VAV2: variants seen among roughly 807,000 people sequenced by gnomAD.
VAV2 encodes guanine nucleotide exchange factor VAV2.
In VAV2, 67 loss-of-function variants were observed where a neutral mutation model predicts 132.5. The ratio of observed to expected loss-of-function variants is 0.51; its 90% confidence interval spans 0.42 to 0.62. VAV2 has a LOEUF of 0.62. Among genes scored for constraint, VAV2 ranks in the 20% least tolerant of loss-of-function variants. The pLI is 0.00. For missense variants in VAV2, 938 were observed against 1,153.6 expected (o/e 0.81, Z 2.71); for synonymous variants, 492 against 443.5 (o/e 1.11, Z -1.37).
At chr9:133,901,295 G>C (rs937879495) in intron 2 of VAV2, among the ~76,000 whole-genome samples, 14 of 152,172 alleles carry the variant, frequency 9.2e-5, no homozygotes, top group Non-Finnish European at 1.6e-4. Context: ...ACTCCCCACG[G>C]GTCTCCTCAG....
chr9:133,814,932 T>C (rs1468076289), intron 4 of VAV2, among the ~76,000 whole-genome samples: 1 of 152,204 alleles, frequency 6.6e-6, no homozygotes, highest in African/African-American at 2.4e-5. Flanking sequence ...CGCAGTGGCC[T>C]TGCACTGCCA....
At chr9:133,946,963 G>A (rs1297040029) in intron 1 of VAV2, among the ~76,000 whole-genome samples, 3 of 152,150 alleles carry the variant, frequency 2.0e-5, no homozygotes, top group East Asian at 1.9e-4. Flanking sequence ...CCCATCACAC[G>A]GGCTCAGTAT....
chr9:133,772,270 C>G (rs1210148466), intron 25 of VAV2, among the ~76,000 whole-genome samples: 1 of 152,216 alleles, frequency 6.6e-6, no homozygotes, highest in Non-Finnish European at 1.5e-5. Flanking sequence ...GGGCCCGGAA[C>G]CCCTGGCTGC....
chr9:133,844,320 G>A (rs372752249), intron 3 of VAV2, among the ~76,000 whole-genome samples: 4 of 152,170 alleles, frequency 2.6e-5, no homozygotes, highest in African/African-American at 7.2e-5. Context: ...GTCCTTCCCC[G>A]GTGAGCATGC....
intron 3 of VAV2, among the ~76,000 whole-genome samples, chr9:133,846,363 C>T (rs1337290018): frequency 6.6e-6 from 1 of 152,216 alleles, no homozygotes; most frequent in Non-Finnish European, 1.5e-5. Flanking sequence ...CCTGCTATCC[C>T]GACCCACAAC....
At chr9:133,956,195 G>C (rs1019303321) in intron 1 of VAV2, among the ~76,000 whole-genome samples, 1 of 152,098 alleles carries the variant, frequency 6.6e-6, no homozygotes, top group Non-Finnish European at 1.5e-5. Flanking sequence ...CAGGGAGAGA[G>C]GGAGGGAAGG....
intron 1 of VAV2, among the ~76,000 whole-genome samples, chr9:133,970,012 A>G (rs1329956185): frequency 1.3e-5 from 2 of 151,934 alleles, no homozygotes; most frequent in Admixed American, 6.6e-5. Flanking sequence ...CACCCCCCAG[A>G]CGTGCAGGGT....
At chr9:133,822,054 C>T (rs1158724273) in intron 4 of VAV2, among the ~76,000 whole-genome samples, 1 of 152,184 alleles carries the variant, frequency 6.6e-6, no homozygotes, top group Non-Finnish European at 1.5e-5. Flanking sequence ...GCCACCTTCA[C>T]CTTCTGCCCG....
chr9:133,801,752 GC>G (rs1191672024), intron 9 of VAV2, among the ~76,000 whole-genome samples: 1 of 152,200 alleles, frequency 6.6e-6, no homozygotes, highest in African/African-American at 2.4e-5. Context: ...AATGAGAGTG[GC>G]CTCAGAAAAG....
intron 2 of VAV2, among the ~76,000 whole-genome samples, chr9:133,924,797 G>T (rs1335229953): frequency 1.3e-5 from 2 of 152,222 alleles, no homozygotes; most frequent in Admixed American, 1.3e-4. Context: ...ATTCACAGGA[G>T]CCGAAGGTGA....
chr9:133,875,747 G>A (rs934338542), intron 2 of VAV2, among the ~76,000 whole-genome samples: 8 of 152,202 alleles, frequency 5.3e-5, no homozygotes, highest in Non-Finnish European at 1.0e-4. Flanking sequence ...ATGAATTGAC[G>A]TTTGTGATGG....
In VAV2 at chr9:133,838,291, A is replaced by G. The variant is rs1310786665; in HGVS notation, c.381-3951T>C. Among the ~76,000 whole-genome samples the G allele has an allele frequency of 2.6e-5, 4 of 151,804 alleles. No individual in the cohort carries two copies. In the East Asian group the frequency reaches 7.8e-4, roughly 29 times the overall value. ...TGTGGGAAGACTTGATCAGTCTCTC[A>G]GCTTGGGTCTGCCTCTGCCTAGCAC... On this transcript the variant is annotated intron_variant, in intron 3 of 29. Transcript: ENST00000371850.
chr9:133,854,635 A>G (rs528201844), intron 3 of VAV2, among the ~76,000 whole-genome samples: 6 of 152,344 alleles, frequency 3.9e-5, no homozygotes, highest in African/African-American at 1.2e-4. Context: ...TGTGACCAGA[A>G]GCAGGCTGGA....
chr9:133,842,562 AG>A (rs765522353), intron 3 of VAV2, among the ~76,000 whole-genome samples: 13 of 151,722 alleles, frequency 8.6e-5, no homozygotes, highest in Non-Finnish European at 1.8e-4. Flanking sequence ...TGGCCACCCT[AG>A]TCTTGCAGAT....
intron 3 of VAV2, among the ~76,000 whole-genome samples, chr9:133,848,131 T>C (rs1837011720): frequency 6.6e-6 from 1 of 151,550 alleles, no homozygotes; most frequent in South Asian, 2.1e-4. Flanking sequence ...CAAAAAAAAA[T>C]CAGCTGGGTG....
At chr9:133,892,811 G>C (rs1034390999) in intron 2 of VAV2, among the ~76,000 whole-genome samples, 6 of 152,188 alleles carry the variant, frequency 3.9e-5, no homozygotes, top group African/African-American at 1.4e-4. Flanking sequence ...GGCCATTGCA[G>C]ACGAGAAAAG....
chr9:133,852,832 TA>T (rs1797931849), intron 3 of VAV2, among the ~76,000 whole-genome samples: 2 of 152,094 alleles, frequency 1.3e-5, no homozygotes, highest in Admixed American at 6.5e-5. Context: ...GCCACTCGGC[TA>T]GGGGTGCAGG....
intron 1 of VAV2, among the ~76,000 whole-genome samples, chr9:133,949,578 G>A (rs576589611): frequency 1.2e-4 from 19 of 152,324 alleles, no homozygotes; most frequent in South Asian, 8.3e-4. Context: ...CTCGAATGGC[G>A]GGTCACCTGC....
rs961850332 is a variant in VAV2 at position 133,823,592 on chromosome 9, C to T, written c.449+10680G>A. On this transcript the variant is annotated intron_variant, in intron 4 of 29. Coordinates refer to ENST00000371850, the MANE Select transcript of VAV2 (RefSeq NM_001134398.2). The surrounding 1 kb of genome is among the most constrained non-coding windows in gnomAD (Gnocchi z 5.5). ...CTCTTCCTGGAGTTCCAGAACAGCA[C>T]GAGGAGGGCGATTTAGAGGGGGAGG... Among the ~76,000 whole-genome samples, 14 of 152,078 alleles carry T rather than the reference C, an allele frequency of 9.2e-5. No individual in the cohort carries two copies. The highest frequency in any genetic ancestry group is 2.9e-4 in the African/African-American group (12 of 41,412).
Sources: gnomAD v4.1 joint callset for allele counts (sites outside exome capture counted in the v4.1 genomes callset) on GRCh38, gnomAD v4.1.1 for gene constraint, Gnocchi (gnomAD v3.1) non-coding constraint, MANE v1.5 for transcripts, NCBI Gene and HGNC (gene_info 2026-07-23, HGNC 2026-07-21) for gene names.